The following PRLR variants were observed in gnomAD, a reference collection of about 807,000 sequenced individuals.
PRLR encodes prolactin receptor.
Under a neutral mutation model 40.2 loss-of-function variants are expected in PRLR, and 13 were observed. The ratio of observed to expected loss-of-function variants is 0.32; its 90% CI spans 0.21 to 0.51. The LOEUF (loss-of-function observed/expected upper bound fraction) is 0.51. Ranked by LOEUF, PRLR falls within the 20% of genes least tolerant of loss-of-function variation. The pLI, the probability that PRLR is intolerant of heterozygous loss-of-function variation, is 0.97. For synonymous variants in PRLR, 269 were observed against 278.7 expected (o/e 0.97, Z 0.35); for missense variants, 656 against 747.3 (o/e 0.88, Z 1.42).
chr5:35,128,123 CTTGCA>C (rs1773531092), intron 1 of PRLR, among the ~76,000 whole-genome samples: 2 of 151,800 alleles, frequency 1.3e-5, no homozygotes, highest in African/African-American at 4.8e-5. Context: ...TAACTTTCAA[CTTGCA>C]ATGAGTTTGT....
chr5:35,115,208 A>C (rs1772936446), intron 2 of PRLR, among the ~76,000 whole-genome samples: 1 of 152,186 alleles, frequency 6.6e-6, no homozygotes. Flanking sequence ...CTACTGTATC[A>C]GACAGTACAG....
chr5:35,085,078 G>GT (rs1770762820), intron 4 of PRLR, among the ~76,000 whole-genome samples: 1 of 151,958 alleles, frequency 6.6e-6, no homozygotes, highest in Non-Finnish European at 1.5e-5. Flanking sequence ...ATTACTTTTC[G>GT]TTTTTTAAAA....
intron 1 of PRLR, among the ~76,000 whole-genome samples, chr5:35,124,833 AT>A (rs1033074774): frequency 1.3e-5 from 2 of 152,098 alleles, no homozygotes; most frequent in African/African-American, 2.4e-5. Flanking sequence ...CAGAGCCCTT[AT>A]TTTCCAAAAT....
intron 1 of PRLR, among the ~76,000 whole-genome samples, chr5:35,122,236 G>GC (rs1554049494): frequency 6.6e-6 from 1 of 151,162 alleles, no homozygotes; most frequent in Non-Finnish European, 1.5e-5. Context: ...GTTCTTTCTT[G>GC]TTTTTTTTTC....
intron 1 of PRLR, among the ~76,000 whole-genome samples, chr5:35,150,672 A>C (rs1168995575): frequency 1.3e-5 from 2 of 152,224 alleles, no homozygotes; most frequent in Non-Finnish European, 2.9e-5. Context: ...AATATTGGAA[A>C]GATATTGAAA....
At chr5:35,163,804 T>C (rs1774743869) in intron 1 of PRLR, among the ~76,000 whole-genome samples, 1 of 150,806 alleles carries the variant, frequency 6.6e-6, no homozygotes, top group Non-Finnish European at 1.5e-5. Flanking sequence ...GCCCTAGCAT[T>C]CCTGAGAAGT....
chr5:35,098,985 T>G (rs1453137034), intron 2 of PRLR, among the ~76,000 whole-genome samples: 1 of 152,144 alleles, frequency 6.6e-6, no homozygotes, highest in Non-Finnish European at 1.5e-5. Flanking sequence ...CACTGACAAG[T>G]CTAAGAAAAA....
At chr5:35,197,281 G>C (rs763001688) in intron 1 of PRLR, among the ~76,000 whole-genome samples, 5 of 152,186 alleles carry the variant, frequency 3.3e-5, no homozygotes, top group Admixed American at 6.5e-5. Flanking sequence ...ATAGGATTTC[G>C]GGGAGGTCAC....
At chr5:35,133,530 G>A (rs1368710895) in intron 1 of PRLR, among the ~76,000 whole-genome samples, 1 of 152,138 alleles carries the variant, frequency 6.6e-6, no homozygotes, top group Admixed American at 6.5e-5. Flanking sequence ...TAATTCCAAA[G>A]TTATTGTCTC....
chr5:35,052,701 CT>C (rs1256381166), downstream of PRLR, among the ~76,000 whole-genome samples: 1 of 152,186 alleles, frequency 6.6e-6, no homozygotes, highest in Non-Finnish European at 1.5e-5. Context: ...TCTTGTTTGA[CT>C]GTAGGTCATA....
At chr5:35,055,677 A>C (rs1768674191), downstream of PRLR, 1 of 152,216 alleles carries the variant, frequency 6.6e-6, no homozygotes, top group Admixed American at 6.5e-5. Context: ...TTTCACATAC[A>C]TATATAAAGA....
intron 5 of PRLR, among the ~76,000 whole-genome samples, chr5:35,077,707 A>G (rs1770210190): frequency 6.6e-6 from 1 of 152,194 alleles, no homozygotes; most frequent in African/African-American, 2.4e-5. Context: ...AGCGGACCTA[A>G]TAGACATCTA....
At chr5:35,142,483 T>G (rs574781315) in intron 1 of PRLR, among the ~76,000 whole-genome samples, 1 of 152,340 alleles carries the variant, frequency 6.6e-6, no homozygotes, top group Admixed American at 6.5e-5. Flanking sequence ...AATTTAATAA[T>G]GAGCACTTCT....
At chr5:35,186,101 G>A (rs1398238981) in intron 1 of PRLR, among the ~76,000 whole-genome samples, 10 of 152,074 alleles carry the variant, frequency 6.6e-5, no homozygotes, top group Admixed American at 6.5e-4. Flanking sequence ...CCACATTGAG[G>A]TGCACTGTCA....
In PRLR at chr5:35,184,543, A is replaced by G. The variant is rs188663755; in HGVS notation, c.-106+45725T>C. 2.6e-5 allele frequency among the ~76,000 whole-genome samples: 4 copies of G among 152,268 alleles called. No homozygotes were observed. In the East Asian group the frequency reaches 5.8e-4, roughly 22 times the overall value. On this transcript the variant is annotated intron_variant, in intron 1 of 9. Transcript: ENST00000618457. ...TAAAACAAAAGAAAGAAACAAACAA[A>G]AAACAAAATAATAACAACCAACCAG... is the stretch of plus-strand genomic sequence containing the variant.
chr5:35,217,407 A>G (rs1776311136), intron 1 of PRLR, among the ~76,000 whole-genome samples: 2 of 152,202 alleles, frequency 1.3e-5, no homozygotes, highest in Admixed American at 1.3e-4. Flanking sequence ...CTGTTCTTTT[A>G]TACTTTTCTC....
chr5:35,151,002 A>C (rs1319561003), intron 1 of PRLR, among the ~76,000 whole-genome samples: 1 of 152,180 alleles, frequency 6.6e-6, no homozygotes, highest in Non-Finnish European at 1.5e-5. Context: ...TGATTTGATA[A>C]AGGGCAAAAA....
chr5:35,189,750 A>C (rs971165595), intron 1 of PRLR, among the ~76,000 whole-genome samples: 2 of 152,116 alleles, frequency 1.3e-5, no homozygotes, highest in African/African-American at 4.8e-5. Flanking sequence ...CAAGCCCCTG[A>C]CCTCTTCAGC....
intron 1 of PRLR, among the ~76,000 whole-genome samples, chr5:35,173,115 A>C (rs1355690872): frequency 6.6e-6 from 1 of 151,984 alleles, no homozygotes; most frequent in South Asian, 2.1e-4. Flanking sequence ...TTGCCTCCAC[A>C]TTGTTCACTC....
Sources: gnomAD v4.1 joint callset for allele counts (sites outside exome capture counted in the v4.1 genomes callset) on GRCh38, gnomAD v4.1.1 for gene constraint, MANE v1.5 for transcripts, NCBI Gene and HGNC (gene_info 2026-07-23, HGNC 2026-07-21) for gene names.